DIP2C: variants seen among roughly 807,000 people sequenced by gnomAD.
The protein encoded by DIP2C is disco-interacting protein 2 homolog C.
A neutral mutation model predicts 192.4 loss-of-function variants in DIP2C; 33 were observed. That is an observed-to-expected ratio of 0.17 (90% CI 0.13 to 0.23). The LOEUF (loss-of-function observed/expected upper bound fraction) is 0.23, where lower values mean the gene tolerates loss of function less well. DIP2C is among the 10% of genes least tolerant of loss of function. The pLI is 1.00. For synonymous variants in DIP2C, 979 were observed against 864.1 expected (o/e 1.13, Z -2.33); for missense variants, 1,537 against 2,110.1 (o/e 0.73, Z 5.32).
intron 31 of DIP2C, among the ~76,000 whole-genome samples, chr10:323,299 GC>G (rs1358826309): frequency 1.0e-5 from 1 of 96,456 alleles, no homozygotes. Flanking sequence ...GGGGTGCGGG[GC>G]TCCAGCGAGA....
rs756340833 is a variant in DIP2C, at chr10:348,725, G to A, written c.3147C>T (p.Tyr1049=). 23 of 1,613,654 alleles carry A rather than the reference G, an allele frequency of 1.4e-5. No homozygotes were observed. Among genetic ancestry groups the A allele is most frequent in the Admixed American group, 1.0e-4 (6 of 59,894 alleles). ...DLIAAFYGCL[Y]AGCVPITVRP... Reference sequence around the variant, plus strand: ...GGACGGTTATTGGCACACAGCCTGCGTACAGGCAACCATAAAACGCTGCTA... The same window carrying A: ...GGACGGTTATTGGCACACAGCCTGCATACAGGCAACCATAAAACGCTGCTA... The change falls in exon 26 of 37, where the codon TAC becomes TAT. Residue 1049 remains tyrosine (Y), a synonymous_variant. Coordinates refer to ENST00000280886, the MANE Select transcript of DIP2C (RefSeq NM_014974.3).
intron 1 of DIP2C, among the ~76,000 whole-genome samples, chr10:618,937 ACAT>A (rs1208588123): frequency 2.6e-5 from 4 of 152,188 alleles, no homozygotes; most frequent in Admixed American, 1.3e-4. Flanking sequence ...GTGTAGAAAA[ACAT>A]CAAAAATACT....
intron 32 of DIP2C, among the ~76,000 whole-genome samples, chr10:306,171 CA>C (rs1956311635): frequency 6.6e-6 from 1 of 152,028 alleles, no homozygotes; most frequent in African/African-American, 2.4e-5. Flanking sequence ...CCTTCCTGCA[CA>C]TGTGGGACTG....
intron 2 of DIP2C, among the ~76,000 whole-genome samples, chr10:481,618 G>A (rs963687834): frequency 2.0e-5 from 3 of 152,216 alleles, no homozygotes; most frequent in African/African-American, 7.2e-5. Flanking sequence ...GTTACCATCT[G>A]CCATTTAAAT....
intron 17 of DIP2C, among the ~76,000 whole-genome samples, chr10:381,206 T>G (rs1034365569): frequency 1.3e-5 from 2 of 152,186 alleles, no homozygotes; most frequent in African/African-American, 4.8e-5. Flanking sequence ...TGGCCAATTA[T>G]ACAGATTATT....
intron 1 of DIP2C, among the ~76,000 whole-genome samples, chr10:611,201 ACT>A (rs34689855): frequency 0.7 from 106,264 of 151,740 alleles, 42,488 homozygotes; most frequent in Non-Finnish European, 0.88. Context: ...CTTCCCCTTC[ACT>A]CTCTCTTTCC....
At position 486,520 on chromosome 10, in the gene DIP2C, T is replaced by C. The variant is rs1844027786; in HGVS notation, c.96A>G (p.Thr32=). Residue 32 remains threonine, a synonymous_variant, in exon 2 of 37, where the codon ACA becomes ACG. Coordinates refer to ENST00000280886, the MANE Select transcript of DIP2C (RefSeq NM_014974.3). ...ACCTCTTCTTTTCATATCCTTTTTGTGTGATGTCACCTGCAAGAGAAGGAA... is the reference window on the plus strand; with the variant it reads ...ACCTCTTCTTTTCATATCCTTTTTGCGTGATGTCACCTGCAAGAGAAGGAA... ...LELELSEGDI[T]QKGYEKKRSK... The C allele has an allele frequency of 6.2e-7, 1 of 1,606,714 alleles. No homozygotes were observed. Among genetic ancestry groups the C allele is most frequent in the African/African-American group, 1.3e-5 (1 of 74,660 alleles).
At chr10:536,117 G>T (rs1316655390) in intron 1 of DIP2C, among the ~76,000 whole-genome samples, 1 of 152,158 alleles carries the variant, frequency 6.6e-6, no homozygotes, top group Non-Finnish European at 1.5e-5. Flanking sequence ...GTGTGGGCAG[G>T]GCCGAGCTCC....
chr10:392,024 A>C (rs1156814858), intron 10 of DIP2C, among the ~76,000 whole-genome samples: 1 of 152,228 alleles, frequency 6.6e-6, no homozygotes, highest in Non-Finnish European at 1.5e-5. Context: ...CATGCAGGGC[A>C]GCTCCCCAAG....
chr10:617,661 C>CCA (rs938098754), intron 1 of DIP2C, among the ~76,000 whole-genome samples: 8 of 150,556 alleles, frequency 5.3e-5, no homozygotes, highest in African/African-American at 1.7e-4. Flanking sequence ...TACCACCCCC[C>CCA]CACCCCCACC....
chr10:385,131 G>A (rs183644646), intron 14 of DIP2C, among the ~76,000 whole-genome samples: 6 of 148,402 alleles, frequency 4.0e-5, no homozygotes, highest in Admixed American at 1.3e-4. Flanking sequence ...ATGGAGCACC[G>A]TGGACGCCAG....
chr10:623,206 T>C (rs1853980571), intron 1 of DIP2C, among the ~76,000 whole-genome samples: 1 of 151,802 alleles, frequency 6.6e-6, no homozygotes, highest in African/African-American at 2.4e-5. Context: ...ACCAGATGGA[T>C]GTGTGCCGAG....
In DIP2C at chr10:636,186, G is replaced by A. The variant is rs1011260083; in HGVS notation, c.85+53308C>T. Among the ~76,000 whole-genome samples the A allele has an allele frequency of 2.0e-5, 3 of 152,172 alleles. No individual in the cohort carries two copies. Among genetic ancestry groups the A allele is most frequent in the Non-Finnish European group, 4.4e-5 (3 of 68,038 alleles). On this transcript the variant is annotated intron_variant, in intron 1 of 36. Transcript: ENST00000280886. The surrounding 1 kb of genome is among the most constrained non-coding windows in gnomAD (Gnocchi z 4.6). Reference sequence around the variant, plus strand: ...CAGGAGGAGGAAATCCCCACAAGTCGACAGAACACCAACGGCTCGTCGGCT... The same window carrying A: ...CAGGAGGAGGAAATCCCCACAAGTCAACAGAACACCAACGGCTCGTCGGCT...
chr10:510,089 G>C (rs1031609334), intron 1 of DIP2C, among the ~76,000 whole-genome samples: 1 of 152,234 alleles, frequency 6.6e-6, no homozygotes, highest in East Asian at 1.9e-4. Context: ...AACGGAGGGA[G>C]TTATCTGTAG....
rs143486792 is a variant in DIP2C at position 369,507 on chromosome 10, G to T, written c.2118C>A (p.Leu706=). ...LSVLTVQDVG[L]VMPGAIMCSV... is the part of the protein sequence containing the mutation. Reference sequence around the variant, plus strand: ...ACCCACACTCACCTCCAGGCATCACGAGGCCGACATCCTGCACGGTGAGCA... The same window carrying T: ...ACCCACACTCACCTCCAGGCATCACTAGGCCGACATCCTGCACGGTGAGCA... The change falls in exon 18 of 37, where the codon CTC becomes CTA. Residue 706 remains leucine (L), a synonymous_variant. Transcript: ENST00000280886. The T allele has an allele frequency of 4.5e-6, 7 of 1,547,682 alleles. No individual in the cohort carries two copies. Among genetic ancestry groups the T allele is most frequent in the Non-Finnish European group, 6.1e-6 (7 of 1,143,726 alleles).
At chr10:354,369 A>G (rs1216350112) in intron 24 of DIP2C, among the ~76,000 whole-genome samples, 1 of 152,204 alleles carries the variant, frequency 6.6e-6, no homozygotes, top group Non-Finnish European at 1.5e-5. Context: ...GGCTGTCCAC[A>G]GGGCCAGATA....
intron 9 of DIP2C, among the ~76,000 whole-genome samples, chr10:405,606 C>G (rs1182229459): frequency 2.6e-5 from 4 of 152,196 alleles, no homozygotes; most frequent in African/African-American, 9.7e-5. Context: ...GTATTGCTAC[C>G]TCCATAGTGA....
At position 386,453 on chromosome 10, in the gene DIP2C, C is replaced by T. The variant is rs147491786; in HGVS notation, c.1662+1292G>A. Among the ~76,000 whole-genome samples, 371 of 151,732 alleles carry T rather than the reference C, an allele frequency of 2.4e-3. 3 individuals are homozygous for T. Among genetic ancestry groups the T allele is most frequent in the Admixed American group, 3.8e-3 (58 of 15,266 alleles). On this transcript the variant is annotated intron_variant, in intron 14 of 36. Transcript: ENST00000280886. Reference sequence around the variant, plus strand: ...GGGCTCCCACTGCACCAGCACATAACGGTGCTGGGAACAAGCTGCTCCATC... The same window carrying T: ...GGGCTCCCACTGCACCAGCACATAATGGTGCTGGGAACAAGCTGCTCCATC...
chr10:556,221 C>T (rs28690090), intron 1 of DIP2C, among the ~76,000 whole-genome samples: 2 of 63,230 alleles, frequency 3.2e-5, no homozygotes, highest in Non-Finnish European at 5.9e-5. Flanking sequence ...AGCCGGATCC[C>T]AGGACGGCAC....
Sources: gnomAD v4.1 joint callset for allele counts (sites outside exome capture counted in the v4.1 genomes callset) on GRCh38, gnomAD v4.1.1 for gene constraint, Gnocchi (gnomAD v3.1) non-coding constraint, MANE v1.5 for transcripts, NCBI Gene and HGNC (gene_info 2026-07-23, HGNC 2026-07-21) for gene names.